PDE4D: variants seen among roughly 807,000 people sequenced by gnomAD.
PDE4D encodes the protein 3',5'-cyclic-AMP phosphodiesterase 4D.
A neutral mutation model predicts 87.4 loss-of-function variants in PDE4D; 24 were observed. The ratio of observed to expected loss-of-function variants is 0.27; its 90% CI spans 0.20 to 0.39. PDE4D has a LOEUF of 0.39. PDE4D is among the 10% of genes least tolerant of loss of function. The pLI is 1.00. For synonymous variants in PDE4D, 384 were observed against 383.2 expected (o/e 1.00, Z -0.02); for missense variants, 714 against 1,041.0 (o/e 0.69, Z 4.32).
In PDE4D at chr5:58,971,486, GACAA is replaced by G. The variant is rs1350980371; in HGVS notation, c.*3174_*3177del. 5.3e-5 allele frequency: 8 copies of G among 152,372 alleles called. No individual in the cohort carries two copies. The highest frequency in any genetic ancestry group is 1.2e-4 in the African/African-American group (5 of 41,374). The allele number at this position is 152,372 out of a possible 1,614,324, so 9.4% of individuals were successfully genotyped here. ...TGCAATAAATACATGGTTGTAAACAGACAAACAAGACTGTATTACAGGTAAGGTC... is the reference window on the plus strand; with the variant it reads ...TGCAATAAATACATGGTTGTAAACAGACAAGACTGTATTACAGGTAAGGTC... On this transcript the variant is annotated 3_prime_UTR_variant, in exon 15 of 15. Coordinates refer to ENST00000340635, the MANE Select transcript of PDE4D (RefSeq NM_001104631.2).
chr5:59,237,910 G>A (rs1010356767), intron 1 of PDE4D, among the ~76,000 whole-genome samples: 10 of 152,018 alleles, frequency 6.6e-5, no homozygotes, highest in Non-Finnish European at 1.3e-4. Flanking sequence ...AATTTTGTGG[G>A]AGGCAGTCAT....
chr5:60,346,010 G>A (rs1758720722), intron 1 of PDE4D, among the ~76,000 whole-genome samples: 1 of 151,896 alleles, frequency 6.6e-6, no homozygotes, highest in East Asian at 1.9e-4. Context: ...TATATCCGTT[G>A]AGTAAAATTC....
chr5:59,452,295 C>T (rs1175698791), intron 1 of PDE4D, among the ~76,000 whole-genome samples: 1 of 152,202 alleles, frequency 6.6e-6, no homozygotes, highest in Non-Finnish European at 1.5e-5. Context: ...CTCTGCCACT[C>T]CTATCAAGGC....
intron 1 of PDE4D, among the ~76,000 whole-genome samples, chr5:60,347,253 T>A (rs1758813979): frequency 6.6e-6 from 1 of 152,036 alleles, no homozygotes; most frequent in Non-Finnish European, 1.5e-5. Context: ...CAAGCAGGAA[T>A]GAGCTCCATT....
chr5:59,159,162 T>A (rs988739857), intron 5 of PDE4D, among the ~76,000 whole-genome samples: 2 of 151,884 alleles, frequency 1.3e-5, no homozygotes, highest in Admixed American at 1.3e-4. Context: ...TGAGACTACT[T>A]AAGATTTTTT....
At chr5:60,003,079 C>T (rs1210313739) in intron 2 of PDE4D, among the ~76,000 whole-genome samples, 3 of 152,006 alleles carry the variant, frequency 2.0e-5, no homozygotes, top group Non-Finnish European at 2.9e-5. Context: ...AATCAACATA[C>T]AGCAACTAGT....
intron 1 of PDE4D, among the ~76,000 whole-genome samples, chr5:60,315,779 C>G (rs113693668): frequency 6.6e-6 from 1 of 151,674 alleles, no homozygotes; most frequent in African/African-American, 2.4e-5. Flanking sequence ...TCAGGTTTGT[C>G]AAAGATCAGA....
chr5:59,586,459 G>T, intron 1 of PDE4D: 1 of 1,473,552 alleles, frequency 6.8e-7, no homozygotes. Context: ...CAACTCTCTT[G>T]TTTGAGCAGC....
At chr5:59,892,989 C>T (rs1030446692) in intron 1 of PDE4D, among the ~76,000 whole-genome samples, 179 bp downstream of exon 1, 1 of 151,962 alleles carries the variant, frequency 6.6e-6, no homozygotes, top group Non-Finnish European at 1.5e-5. Context: ...CTTACACACA[C>T]CTGAATAGCA....
intron 1 of PDE4D, among the ~76,000 whole-genome samples, chr5:59,890,828 T>A (rs577895226): frequency 4.6e-5 from 7 of 152,378 alleles, no homozygotes; most frequent in Admixed American, 4.6e-4. Context: ...TGTTGTAGGA[T>A]TCAAATAAGT....
At chr5:59,642,270 A>G (rs1284817125) in intron 1 of PDE4D, among the ~76,000 whole-genome samples, 1 of 151,984 alleles carries the variant, frequency 6.6e-6, no homozygotes, top group African/African-American at 2.4e-5. Context: ...ATTTAATTTT[A>G]CTAAAAAATA....
At chr5:59,223,747 A>C (rs1319241284) in intron 1 of PDE4D, among the ~76,000 whole-genome samples, 3 of 152,116 alleles carry the variant, frequency 2.0e-5, no homozygotes, top group African/African-American at 7.2e-5. Context: ...ATCTATGGAG[A>C]TGAGACTGTA....
At chr5:59,447,493 C>G (rs1227260879) in intron 1 of PDE4D, among the ~76,000 whole-genome samples, 1 of 152,186 alleles carries the variant, frequency 6.6e-6, no homozygotes, top group Non-Finnish European at 1.5e-5. Context: ...GGGCCCACCA[C>G]TGAGGGAAGG....
intron 3 of PDE4D, among the ~76,000 whole-genome samples, chr5:59,955,599 C>T (rs1758741612): frequency 6.6e-6 from 1 of 152,176 alleles, no homozygotes; most frequent in African/African-American, 2.4e-5. Context: ...ACCAGTATAG[C>T]GAGGAGCATT....
At chr5:59,241,013 G>A (rs560857443) in intron 1 of PDE4D, among the ~76,000 whole-genome samples, 13 of 152,242 alleles carry the variant, frequency 8.5e-5, no homozygotes, top group African/African-American at 3.1e-4. Flanking sequence ...GAGATTTAAA[G>A]GAGATAAAGC....
intron 1 of PDE4D, among the ~76,000 whole-genome samples, chr5:60,268,735 A>G (rs1333905102): frequency 2.0e-5 from 3 of 152,316 alleles, no homozygotes; most frequent in Non-Finnish European, 4.4e-5. Flanking sequence ...GTTCTATGCC[A>G]TATTTTGTGT....
At chr5:60,179,478 T>C (rs963244152) in intron 2 of PDE4D, among the ~76,000 whole-genome samples, 3 of 152,144 alleles carry the variant, frequency 2.0e-5, no homozygotes, top group Non-Finnish European at 4.4e-5. Flanking sequence ...GATGATTTGG[T>C]TTGGATTTTT....
At chr5:59,500,242 A>G (rs1808049227) in intron 1 of PDE4D, among the ~76,000 whole-genome samples, 2 of 152,204 alleles carry the variant, frequency 1.3e-5, no homozygotes, top group African/African-American at 4.8e-5. Flanking sequence ...TGACCCTGCA[A>G]TCTCACTGCT....
intron 1 of PDE4D, chr5:59,768,600 G>A: frequency 6.4e-7 from 1 of 1,556,106 alleles, no homozygotes; most frequent in Non-Finnish European, 8.6e-7. Context: ...AAGCAGGTCT[G>A]AGCCTGCTGC....
Sources: gnomAD v4.1 joint callset for allele counts (sites outside exome capture counted in the v4.1 genomes callset) on GRCh38, gnomAD v4.1.1 for gene constraint, MANE v1.5 for transcripts, NCBI Gene and HGNC (gene_info 2026-07-23, HGNC 2026-07-21) for gene names.